CTNND2: variants seen among roughly 807,000 people sequenced by gnomAD.
CTNND2 encodes the protein catenin delta 2.
In CTNND2, 22 loss-of-function variants were observed where a neutral mutation model predicts 144.4. That is an observed-to-expected ratio of 0.15 (90% CI 0.11 to 0.22). The LOEUF is 0.22. Among genes scored for constraint, CTNND2 ranks in the 10% least tolerant of loss-of-function variants. The probability of loss-of-function intolerance (pLI) is 1.00; values close to 1 mark genes in which losing one functional copy is unlikely to be tolerated. For missense variants in CTNND2, 1,353 were observed against 1,618.8 expected (o/e 0.84, Z 2.82); for synonymous variants, 751 against 695.6 (o/e 1.08, Z -1.25).
At chr5:11,120,560 GGGTGATGAGGCT>G (rs1561335792) in intron 12 of CTNND2, among the ~76,000 whole-genome samples, 5,660 of 64,406 alleles carry the variant, frequency 0.088, 1 homozygote, top group Middle Eastern at 0.13. Context: ...CTGTCCGCAG[GGGTGATGAGGCT>G]CAGTATACAC....
chr5:11,576,600 G>A (rs1314513249), intron 2 of CTNND2, among the ~76,000 whole-genome samples: 3 of 151,532 alleles, frequency 2.0e-5, no homozygotes, highest in Non-Finnish European at 4.4e-5. Flanking sequence ...TATCAACCTA[G>A]CTGCAAAGCT....
chr5:11,141,331 A>G (rs1283397087), intron 12 of CTNND2, among the ~76,000 whole-genome samples: 1 of 152,144 alleles, frequency 6.6e-6, no homozygotes, highest in Non-Finnish European at 1.5e-5. Flanking sequence ...GGTGAACACA[A>G]TAATAGAAAA....
chr5:11,042,530 TC>T (rs1744785381), intron 16 of CTNND2, among the ~76,000 whole-genome samples: 1 of 152,232 alleles, frequency 6.6e-6, no homozygotes, highest in South Asian at 2.1e-4. Flanking sequence ...AAGATGGTTC[TC>T]AAACAGAGGA....
intron 3 of CTNND2, among the ~76,000 whole-genome samples, chr5:11,497,621 G>A (rs1329241238): frequency 6.6e-6 from 1 of 150,428 alleles, no homozygotes; most frequent in Non-Finnish European, 1.5e-5. Context: ...AGTGGAGAGA[G>A]GAGAATTAAT....
At chr5:11,660,916 A>T (rs1383457054) in intron 2 of CTNND2, among the ~76,000 whole-genome samples, 1 of 152,156 alleles carries the variant, frequency 6.6e-6, no homozygotes, top group African/African-American at 2.4e-5. Flanking sequence ...AAAAATAACA[A>T]ATGGAAACTT....
chr5:11,161,746 A>AT (rs367808006), intron 11 of CTNND2, among the ~76,000 whole-genome samples: 93 of 152,238 alleles, frequency 6.1e-4, no homozygotes, highest in African/African-American at 2.1e-3. Flanking sequence ...CAAAATGTGC[A>AT]TTTTTTTCAT....
chr5:11,539,771 T>C (rs2150067612), intron 3 of CTNND2, among the ~76,000 whole-genome samples: 1 of 152,314 alleles, frequency 6.6e-6, no homozygotes, highest in Middle Eastern at 3.4e-3. Context: ...TGATGGCTCA[T>C]GCCTGTAATC....
At chr5:11,801,891 C>A (rs934754541) in intron 1 of CTNND2, among the ~76,000 whole-genome samples, 1 of 152,084 alleles carries the variant, frequency 6.6e-6, no homozygotes, top group Non-Finnish European at 1.5e-5. Context: ...TGGAATAACA[C>A]CTTCCAAACA....
chr5:11,607,748 C>T (rs1052396401), intron 2 of CTNND2, among the ~76,000 whole-genome samples: 2 of 152,176 alleles, frequency 1.3e-5, no homozygotes, highest in African/African-American at 4.8e-5. Context: ...AAACTGTCAA[C>T]ATCCCCAATG....
intron 1 of CTNND2, among the ~76,000 whole-genome samples, chr5:11,836,074 G>A (rs1204318737): frequency 3.3e-5 from 5 of 152,096 alleles, no homozygotes; most frequent in Admixed American, 6.6e-5. Flanking sequence ...TCCTCTTTGA[G>A]CCATGAATAA....
At chr5:11,179,382 T>C (rs10062829) in intron 11 of CTNND2, among the ~76,000 whole-genome samples, 34,275 of 152,062 alleles carry the variant, frequency 0.23, 4,061 homozygotes, top group Middle Eastern at 0.31. Flanking sequence ...ACTATATTCC[T>C]AAAACAAGGT....
chr5:11,566,276 C>T (rs755471623), intron 2 of CTNND2, among the ~76,000 whole-genome samples: 1 of 152,160 alleles, frequency 6.6e-6, no homozygotes, highest in Non-Finnish European at 1.5e-5. Context: ...ACTGAGGGAA[C>T]ATTTTGTTTT....
intron 1 of CTNND2, among the ~76,000 whole-genome samples, chr5:11,753,759 T>C (rs1788753374): frequency 6.6e-6 from 1 of 151,864 alleles, no homozygotes; most frequent in Non-Finnish European, 1.5e-5. Context: ...CCAGCTCTTC[T>C]TATACACCTG....
intron 3 of CTNND2, among the ~76,000 whole-genome samples, chr5:11,485,637 T>C (rs1768752504): frequency 6.6e-6 from 1 of 152,130 alleles, no homozygotes; most frequent in African/African-American, 2.4e-5. Context: ...AAACCATTAT[T>C]TGGTAAACAA....
At chr5:11,066,644 TG>T (rs1747642689) in intron 16 of CTNND2, among the ~76,000 whole-genome samples, 1 of 152,192 alleles carries the variant, frequency 6.6e-6, no homozygotes, top group Admixed American at 6.5e-5. Context: ...TCATGGGCCA[TG>T]GTCACTCATA....
chr5:11,339,932 A>G (rs948399686), intron 9 of CTNND2, among the ~76,000 whole-genome samples: 3 of 152,214 alleles, frequency 2.0e-5, no homozygotes, highest in Non-Finnish European at 4.4e-5. Context: ...AAATTAATAC[A>G]CTATGGTTAT....
intron 19 of CTNND2, 22 bp downstream of exon 19, chr5:10,992,529 G>T (rs1461447858): frequency 7.4e-6 from 12 of 1,613,324 alleles, no homozygotes; most frequent in Non-Finnish European, 1.0e-5. Context: ...AGCCTGGCTG[G>T]CTAGCCACGG....
intron 9 of CTNND2, among the ~76,000 whole-genome samples, chr5:11,331,120 G>C (rs971390771): frequency 2.0e-5 from 3 of 152,166 alleles, no homozygotes; most frequent in Admixed American, 2.0e-4. Flanking sequence ...CTGCAGCATA[G>C]ATGTTAATTG....
At chr5:11,060,874 T>C (rs1185062609) in intron 16 of CTNND2, among the ~76,000 whole-genome samples, 4 of 152,234 alleles carry the variant, frequency 2.6e-5, no homozygotes, top group Admixed American at 2.6e-4. Context: ...TATCTACCTG[T>C]GGATGGGCAT....
Sources: gnomAD v4.1 joint callset for allele counts (sites outside exome capture counted in the v4.1 genomes callset) on GRCh38, gnomAD v4.1.1 for gene constraint, MANE v1.5 for transcripts, NCBI Gene and HGNC (gene_info 2026-07-23, HGNC 2026-07-21) for gene names.